The following TMTC2 variants were observed in gnomAD, a reference collection of about 807,000 sequenced individuals.
TMTC2 encodes transmembrane O-mannosyltransferase targeting cadherins 2.
In TMTC2, 43 loss-of-function variants were observed where a neutral mutation model predicts 82.4. The ratio of observed to expected loss-of-function variants is 0.52; its 90% CI spans 0.41 to 0.67. The LOEUF is 0.67. TMTC2 is among the 30% of genes least tolerant of loss of function. The pLI is 0.00. For missense variants in TMTC2, 919 were observed against 1,012.4 expected, an observed-to-expected ratio of 0.91 and a Z score of 1.25; for synonymous variants, 408 against 381.9, an observed-to-expected ratio of 1.07 and a Z score of -0.80.
rs1182795636 is a variant in TMTC2, at chr12:83,071,150, T to TTG, written c.2331+9320_2331+9321insGT. Reference sequence around the variant, plus strand: ...CATCAAGAATATTGGTCTGTAGTTGTTTTTTTTTTTGTTTTTTTTTTTGAG... The same window carrying TTG: ...CATCAAGAATATTGGTCTGTAGTTGTTGTTTTTTTTTTGTTTTTTTTTTTGAG... On this transcript the variant is annotated intron_variant, in intron 11 of 11. Coordinates refer to ENST00000321196, the MANE Select transcript of TMTC2 (RefSeq NM_152588.3). Among the ~76,000 whole-genome samples, 21 of 129,138 alleles carry TTG rather than the reference T, an allele frequency of 1.6e-4. No individual in the cohort carries two copies. The South Asian group carries it at 4.3e-3, about 26-fold the overall frequency. The allele number at this position is 129,138 out of a possible 152,430, so 84.7% of individuals were successfully genotyped here.
intron 8 of TMTC2, among the ~76,000 whole-genome samples, chr12:83,020,944 G>T (rs1041441243): frequency 6.6e-6 from 1 of 152,088 alleles, no homozygotes; most frequent in Admixed American, 6.5e-5. Context: ...TAATGTCAAA[G>T]CTGTGTAGAA....
At position 82,875,319 on chromosome 12, in the gene TMTC2, G is replaced by C. The variant is rs1872428412; in HGVS notation, c.654+17739G>C. The stretch of plus-strand genomic sequence containing the variant: ...TTTTATCTGACACTTTAACTCTTCT[G>C]TCATGAGGATATTAATCTTACTTTA... On this transcript the variant is annotated intron_variant, in intron 2 of 11. Transcript: ENST00000321196. 2.0e-5 allele frequency among the ~76,000 whole-genome samples: 3 copies of C among 151,530 alleles called. No individual in the cohort carries two copies. The South Asian group carries it at 6.2e-4, about 31-fold the overall frequency.
At chr12:83,100,350 T>G (rs1884176327) in intron 11 of TMTC2, among the ~76,000 whole-genome samples, 1 of 152,188 alleles carries the variant, frequency 6.6e-6, no homozygotes, top group East Asian at 1.9e-4. Flanking sequence ...GGGCCACTAT[T>G]TTCACAGTTT....
chr12:82,874,833 ACT>A (rs1437500526), intron 2 of TMTC2, among the ~76,000 whole-genome samples: 4 of 152,136 alleles, frequency 2.6e-5, no homozygotes. Flanking sequence ...TTAGAACTTG[ACT>A]CTGATTCATT....
chr12:82,802,343 C>G (rs113679877), intron 1 of TMTC2, among the ~76,000 whole-genome samples: 1 of 152,194 alleles, frequency 6.6e-6, no homozygotes, highest in Admixed American at 6.5e-5. Context: ...CACACCTCCC[C>G]GCAAGCTGAG....
intron 1 of TMTC2, among the ~76,000 whole-genome samples, chr12:82,774,334 G>C (rs11115409): frequency 0.15 from 22,876 of 152,006 alleles, 1,997 homozygotes; most frequent in African/African-American, 0.23. Flanking sequence ...AAATTTTTGT[G>C]TAATGTCCAG....
At chr12:82,715,647 T>C (rs1050837277) in intron 1 of TMTC2, among the ~76,000 whole-genome samples, 1 of 152,196 alleles carries the variant, frequency 6.6e-6, no homozygotes, top group Non-Finnish European at 1.5e-5. Context: ...GTCTGGACTT[T>C]AGGCAGATAA....
intron 11 of TMTC2, among the ~76,000 whole-genome samples, chr12:83,122,561 C>A (rs1884986688): frequency 6.6e-6 from 1 of 152,146 alleles, no homozygotes; most frequent in African/African-American, 2.4e-5. Context: ...CAGGCAAAGT[C>A]ACAATCTTCT....
At chr12:82,850,640 G>A (rs1485455620) in intron 1 of TMTC2, among the ~76,000 whole-genome samples, 2 of 152,126 alleles carry the variant, frequency 1.3e-5, no homozygotes, top group Non-Finnish European at 2.9e-5. Flanking sequence ...AGAGTAATGT[G>A]CTAAAGACTA....
intron 2 of TMTC2, among the ~76,000 whole-genome samples, chr12:82,877,124 G>A (rs887178810): frequency 1.8e-4 from 27 of 151,986 alleles, no homozygotes; most frequent in Non-Finnish European, 3.7e-4. Flanking sequence ...TAATACTGTT[G>A]TGTAACATTG....
chr12:82,983,097 C>T (rs931462148), intron 7 of TMTC2, among the ~76,000 whole-genome samples: 1 of 152,014 alleles, frequency 6.6e-6, no homozygotes, highest in African/African-American at 2.4e-5. Context: ...AAAATTTCTA[C>T]ATGCCCAAAT....
intron 2 of TMTC2, among the ~76,000 whole-genome samples, chr12:82,864,104 C>T (rs981518773): frequency 6.6e-6 from 1 of 152,052 alleles, no homozygotes; most frequent in African/African-American, 2.4e-5. Context: ...GGAAAACTCA[C>T]AGAAAATTAC....
chr12:83,044,524 T>G (rs1882019084), intron 9 of TMTC2, among the ~76,000 whole-genome samples: 1 of 152,114 alleles, frequency 6.6e-6, no homozygotes, highest in African/African-American at 2.4e-5. Context: ...ACTGCCGTTT[T>G]GAGAACACCC....
At chr12:82,917,622 G>T (rs1294991157) in intron 3 of TMTC2, among the ~76,000 whole-genome samples, 1 of 150,740 alleles carries the variant, frequency 6.6e-6, no homozygotes, top group Non-Finnish European at 1.5e-5. Context: ...TTTATTTAGA[G>T]ACAGAGTCTC....
At chr12:83,058,438 C>T (rs1457540461) in intron 10 of TMTC2, among the ~76,000 whole-genome samples, 1 of 151,734 alleles carries the variant, frequency 6.6e-6, no homozygotes, top group Non-Finnish European at 1.5e-5. Context: ...TTTCTTCTTC[C>T]TTACCCTTCC....
intron 1 of TMTC2, among the ~76,000 whole-genome samples, chr12:82,844,442 C>T (rs1189073429): frequency 1.3e-5 from 2 of 152,100 alleles, no homozygotes; most frequent in Non-Finnish European, 2.9e-5. Context: ...AGCACATAGA[C>T]CAAGACCATG....
intron 3 of TMTC2, among the ~76,000 whole-genome samples, chr12:82,928,401 A>G (rs1266981188): frequency 6.6e-6 from 1 of 152,186 alleles, no homozygotes; most frequent in Non-Finnish European, 1.5e-5. Flanking sequence ...GATATAGAAT[A>G]CCTATGATAT....
intron 1 of TMTC2, among the ~76,000 whole-genome samples, chr12:82,758,385 C>A (rs1325384730): frequency 6.6e-6 from 1 of 152,118 alleles, no homozygotes; most frequent in Non-Finnish European, 1.5e-5. Flanking sequence ...ATTTGTACTG[C>A]TGTATAACAT....
intron 2 of TMTC2, among the ~76,000 whole-genome samples, chr12:82,863,851 G>A (rs1477404937): frequency 6.6e-6 from 1 of 152,204 alleles, no homozygotes; most frequent in Non-Finnish European, 1.5e-5. Context: ...GTAGTATGAA[G>A]TCGAGAATAG....
Sources: allele counts gnomAD v4.1 joint callset (sites outside exome capture counted in the v4.1 genomes callset), GRCh38; gene constraint gnomAD v4.1.1; transcripts MANE v1.5; gene names NCBI Gene and HGNC (gene_info 2026-07-23, HGNC 2026-07-21).